The following SRBD1 variants were observed in gnomAD, a reference collection of about 807,000 sequenced individuals.
SRBD1 encodes S1 RNA binding domain 1.
In SRBD1, 88 loss-of-function variants were observed where a neutral mutation model predicts 115.3. The observed-to-expected ratio is 0.76, with a 90% CI of 0.64 to 0.91. The LOEUF (loss-of-function observed/expected upper bound fraction) is 0.91, where lower values mean the gene tolerates loss of function less well. Among genes scored for constraint, SRBD1 ranks in the 40% least tolerant of loss-of-function variants. The probability of loss-of-function intolerance (pLI) is 0.00; values close to 1 mark genes in which losing one functional copy is unlikely to be tolerated. For synonymous variants in SRBD1, 509 were observed against 407.7 expected (o/e 1.25, Z -2.99); for missense variants, 1,385 against 1,177.4 (o/e 1.18, Z -2.58).
chr2:45,605,963 C>G (rs1366495747), intron 1 of SRBD1, among the ~76,000 whole-genome samples: 1 of 150,374 alleles, frequency 6.7e-6, no homozygotes, highest in Non-Finnish European at 1.5e-5. Context: ...GTTTAAAACT[C>G]TTAAGAGTAT....
At chr2:45,505,469 A>C (rs963845770) in intron 14 of SRBD1, among the ~76,000 whole-genome samples, 11 of 152,194 alleles carry the variant, frequency 7.2e-5, no homozygotes, top group Non-Finnish European at 1.6e-4. Context: ...CTCTCACATA[A>C]GGGAAAATAG....
intron 16 of SRBD1, among the ~76,000 whole-genome samples, chr2:45,428,722 TA>T (rs1668237965): frequency 6.6e-6 from 1 of 152,152 alleles, no homozygotes; most frequent in South Asian, 2.1e-4. Context: ...GGGAAAGATC[TA>T]AAATTGACAC....
rs56909656 is a variant in SRBD1, at chr2:45,545,283, T to TAAAAAAA, written c.1874+1442_1874+1448dup. On this transcript the variant is annotated intron_variant, in intron 14 of 20. Transcript: ENST00000263736. ...TGACAGAGCGAGACTCTGTCTCAAT[T>TAAAAAAA]AAAAAAAAAAAAAAAAAAAAAAAAA... 2.4e-3 allele frequency among the ~76,000 whole-genome samples: 166 copies of TAAAAAAA among 68,552 alleles called. 6 individuals are homozygous for TAAAAAAA. Among genetic ancestry groups the TAAAAAAA allele is most frequent in the African/African-American group, 5.3e-3 (79 of 14,768 alleles). The allele number at this position is 68,552 out of a possible 152,430, so 45.0% of individuals were successfully genotyped here.
At chr2:45,405,443 T>C (rs1275945553) in intron 19 of SRBD1, among the ~76,000 whole-genome samples, 2 of 152,156 alleles carry the variant, frequency 1.3e-5, no homozygotes, top group African/African-American at 4.8e-5. Context: ...AGAGTTTCCA[T>C]TGCTAAGATA....
chr2:45,577,534 T>C (rs879934044), intron 7 of SRBD1, among the ~76,000 whole-genome samples: 1 of 152,290 alleles, frequency 6.6e-6, no homozygotes, highest in Admixed American at 6.5e-5. Context: ...GAACTTCCTC[T>C]TGGACACGAA....
chr2:45,521,181 C>G (rs540137785), intron 14 of SRBD1, among the ~76,000 whole-genome samples: 1 of 152,110 alleles, frequency 6.6e-6, no homozygotes, highest in Non-Finnish European at 1.5e-5. Context: ...TCCAAATCCA[C>G]TACCTAGATG....
intron 16 of SRBD1, among the ~76,000 whole-genome samples, chr2:45,425,745 C>A (rs1003377612): frequency 6.6e-5 from 10 of 152,206 alleles, no homozygotes; most frequent in African/African-American, 2.4e-4. Context: ...CTCCCTCCCT[C>A]CCCTAGCCAA....
At chr2:45,451,629 T>C (rs1371535686) in intron 16 of SRBD1, among the ~76,000 whole-genome samples, 1 of 151,552 alleles carries the variant, frequency 6.6e-6, no homozygotes, top group East Asian at 1.9e-4. Context: ...GAAAATAGAA[T>C]TTTAAAATTG....
rs1197302676 is a variant in SRBD1, at chr2:45,488,295, G to A, written c.1911C>T (p.Val637=). 6.2e-7 allele frequency: 1 copy of A among 1,613,760 alleles called. No homozygotes were observed. Among genetic ancestry groups the A allele is most frequent in the African/African-American group, 1.3e-5 (1 of 74,870 alleles). The part of the protein sequence containing the change: ...VSEAGASIYS[V]SPEANKEMPG... Reference sequence around the variant, plus strand: ...GCATCTCTTTGTTAGCTTCAGGGCTGACACTGTAGATTGATGCTCCTGCTT... The same window carrying A: ...GCATCTCTTTGTTAGCTTCAGGGCTAACACTGTAGATTGATGCTCCTGCTT... Residue 637 remains valine (V), a synonymous_variant, in exon 15 of 21, where the codon GTC becomes GTT. Transcript: ENST00000263736.
At chr2:45,415,657 G>GTGAGAGAAAA (rs1667799133) in intron 18 of SRBD1, among the ~76,000 whole-genome samples, 1 of 20,412 alleles carries the variant, frequency 4.9e-5, no homozygotes, top group Non-Finnish European at 9.1e-5. Flanking sequence ...GGGAGGGGAG[G>GTGAGAGAAAA]GGAGGGGAGG....
intron 14 of SRBD1, among the ~76,000 whole-genome samples, chr2:45,521,181 C>A (rs540137785): frequency 6.6e-6 from 1 of 152,110 alleles, no homozygotes; most frequent in Admixed American, 6.5e-5. Context: ...TCCAAATCCA[C>A]TACCTAGATG....
chr2:45,579,911 G>C lies in SRBD1; in HGVS notation c.1036C>G (p.Leu346Val), dbSNP rs1474857890. ...GGCCTAATGTACGATAGCAGACTGA[G>C]CTCCCCTGGTTTCTCAAGCAGTGCC... is the stretch of plus-strand genomic sequence containing the variant. ...ARALLEKPGE[L>V]SLLSYIRPDV... The change falls in exon 7 of 21, where the codon CTC becomes GTC. Residue 346 changes from leucine (L) to valine (V), a missense_variant. By Grantham distance (32) the Leu-to-Val change is conservative. Coordinates refer to ENST00000263736, the MANE Select transcript of SRBD1 (RefSeq NM_018079.5). 6.2e-7 allele frequency: 1 copy of C among 1,608,734 alleles called. No homozygotes were observed. The highest frequency in any genetic ancestry group is 8.5e-7 in the Non-Finnish European group (1 of 1,177,802).
At chr2:45,594,035 A>G (rs1673810752) in intron 4 of SRBD1, among the ~76,000 whole-genome samples, 1 of 152,236 alleles carries the variant, frequency 6.6e-6, no homozygotes, top group Admixed American at 6.5e-5. Context: ...TGTTTTTTAA[A>G]AAGACCATAA....
intron 16 of SRBD1, among the ~76,000 whole-genome samples, chr2:45,475,680 T>C (rs536366628): frequency 3.3e-5 from 5 of 152,346 alleles, no homozygotes; most frequent in South Asian, 2.1e-4. Context: ...ATAATGCCTA[T>C]ATCACAAAAC....
In SRBD1 at chr2:45,585,774, C is replaced by G. The variant is rs1239473125; in HGVS notation, c.649G>C (p.Val217Leu). Reference sequence around the variant, plus strand: ...TCAATATTAGTTCTCTCAGATAAAACCTGCAAATTAAAGATACTTAGTGAT... The same window carrying G: ...TCAATATTAGTTCTCTCAGATAAAAGCTGCAAATTAAAGATACTTAGTGAT... The part of the protein sequence containing the change: ...EVEMNWDMVQ[V>L]LSERTNIEPW... The change falls in exon 5 of 21, where the codon GTT becomes CTT. Residue 217 changes from valine (V) to leucine (L), a missense_variant and splice_region_variant. Physicochemically the swap from Val to Leu is conservative, Grantham distance 32. Coordinates refer to ENST00000263736, the MANE Select transcript of SRBD1 (RefSeq NM_018079.5). The G allele has an allele frequency of 2.5e-6, 4 of 1,584,680 alleles. No individual in the cohort carries two copies. Among genetic ancestry groups the G allele is most frequent in the Non-Finnish European group, 3.4e-6 (4 of 1,171,914 alleles).
rs148597129 is a variant in SRBD1 at position 45,579,965 on chromosome 2, T to C, written c.982A>G (p.Arg328Gly). 3.3e-4 allele frequency: 538 copies of C among 1,606,730 alleles called. 8 individuals carry two copies. In the South Asian group the frequency reaches 4.4e-3, roughly 13 times the overall value. ...GSKGTKAQRA[R>G]QLGLEGAARA... ...GCTGCTCCTTCTAAGCCCAACTGTCTTGCTCTCTGGGCTTTAGTCCCTTTG... is the reference window on the plus strand; with the variant it reads ...GCTGCTCCTTCTAAGCCCAACTGTCCTGCTCTCTGGGCTTTAGTCCCTTTG... Residue 328 changes from arginine to glycine, a missense_variant, in exon 7 of 21, where the codon AGA (arginine) becomes GGA (glycine). Transcript: ENST00000263736.
chr2:45,522,257 C>T (rs1289840730), intron 14 of SRBD1, among the ~76,000 whole-genome samples: 4 of 152,172 alleles, frequency 2.6e-5, no homozygotes, highest in South Asian at 2.1e-4. Context: ...ACTGCAACCT[C>T]GACCTCCCAG....
intron 16 of SRBD1, among the ~76,000 whole-genome samples, chr2:45,456,163 C>A (rs933398154): frequency 5.9e-5 from 9 of 151,774 alleles, no homozygotes; most frequent in Admixed American, 5.9e-4. Flanking sequence ...AAGACTTCTG[C>A]TTATTTCATT....
intron 16 of SRBD1, among the ~76,000 whole-genome samples, chr2:45,455,446 C>T (rs765572538): frequency 1.5e-4 from 23 of 151,954 alleles, no homozygotes; most frequent in Non-Finnish European, 3.1e-4. Flanking sequence ...AGACTGCTTT[C>T]CCTTAAACCT....
Sources: allele counts gnomAD v4.1 joint callset (sites outside exome capture counted in the v4.1 genomes callset), GRCh38; gene constraint gnomAD v4.1.1; transcripts MANE v1.5; gene names NCBI Gene and HGNC (gene_info 2026-07-23, HGNC 2026-07-21).